Variants in ANO10 observed in about 807,000 individuals in gnomAD.
ANO10 encodes the protein anoctamin-10.
A neutral mutation model predicts 74.7 loss-of-function variants in ANO10; 77 were observed. The observed-to-expected ratio is 1.03, with a 90% CI of 0.86 to 1.25. The LOEUF (loss-of-function observed/expected upper bound fraction) is 1.25. Among genes scored for constraint, ANO10 ranks in the 50% most tolerant of loss-of-function variants. The probability of loss-of-function intolerance (pLI) is 0.00; values close to 1 mark genes in which losing one functional copy is unlikely to be tolerated. For missense variants in ANO10, 721 were observed against 778.1 expected, an observed-to-expected ratio of 0.93 and a Z score of 0.87; for synonymous variants, 279 against 284.9, an observed-to-expected ratio of 0.98 and a Z score of 0.21.
intron 1 of ANO10, chr3:43,690,969 C>A (rs189850893): frequency 6.4e-6 from 10 of 1,567,498 alleles, no homozygotes; most frequent in Middle Eastern, 1.7e-4. Flanking sequence ...CGAGATAAGT[C>A]CCGGCGCTTG....
chr3:43,590,882 C>A (rs1459836298), intron 4 of ANO10, among the ~76,000 whole-genome samples: 4 of 152,198 alleles, frequency 2.6e-5, no homozygotes, highest in African/African-American at 9.7e-5. Flanking sequence ...GGTGACCACA[C>A]CCACCTTTAA....
In ANO10 at chr3:43,574,857, G is replaced by C. The variant is rs1343601094; in HGVS notation, c.1170C>G (p.His390Gln). ...AAEFLTSWEN[H>Q]RLESAYQNHL... ...GGTTCTGATAGGCAGATTCCAATCT[G>C]TGATTCTCTAAAACATTAAAACACA... Residue 390 changes from histidine to glutamine, a missense_variant, in exon 7 of 13, where the codon CAC (histidine) becomes CAG (glutamine). Physicochemically the swap from His to Gln is conservative, Grantham distance 24 (BLOSUM62 0). Transcript: ENST00000292246. 6 of 1,613,638 alleles carry C rather than the reference G, an allele frequency of 3.7e-6. No individual in the cohort carries two copies. Among genetic ancestry groups the C allele is most frequent in the Non-Finnish European group, 5.1e-6 (6 of 1,179,712 alleles).
At chr3:43,393,464 A>G (rs977001073) in intron 12 of ANO10, among the ~76,000 whole-genome samples, 4 of 152,064 alleles carry the variant, frequency 2.6e-5, no homozygotes, top group African/African-American at 9.7e-5. Context: ...CACATCCCCA[A>G]TCTGTCTTTT....
chr3:43,485,059 G>A, intron 11 of ANO10: 1 of 1,327,682 alleles, frequency 7.5e-7, no homozygotes. Context: ...ACTTGATCTT[G>A]GAGTCGTGGA....
intron 12 of ANO10, among the ~76,000 whole-genome samples, chr3:43,402,632 T>A (rs779310849): frequency 6.6e-6 from 1 of 152,102 alleles, no homozygotes; most frequent in Non-Finnish European, 1.5e-5. Context: ...TCCCAGGTCA[T>A]CCCTTCTTCT....
At chr3:43,630,092 G>A (rs2083531153) in intron 1 of ANO10, among the ~76,000 whole-genome samples, 1 of 152,150 alleles carries the variant, frequency 6.6e-6, no homozygotes, top group Admixed American at 6.5e-5. Context: ...GAATGGGGAA[G>A]GGCAGTGTCT....
chr3:43,604,414 G>C (rs1004416047), intron 2 of ANO10, among the ~76,000 whole-genome samples: 2 of 151,734 alleles, frequency 1.3e-5, no homozygotes, highest in African/African-American at 4.8e-5. Context: ...TTCCCTGTCA[G>C]CTTAACTTTT....
At chr3:43,440,345 G>C (rs2093140760) in intron 11 of ANO10, among the ~76,000 whole-genome samples, 1 of 151,586 alleles carries the variant, frequency 6.6e-6, no homozygotes, top group Admixed American at 6.6e-5. Context: ...AAAGAATGAG[G>C]AAAAATGCTC....
At chr3:43,574,174 C>CA (rs1344759446) in intron 7 of ANO10, among the ~76,000 whole-genome samples, 1 of 151,990 alleles carries the variant, frequency 6.6e-6, no homozygotes, top group Admixed American at 6.6e-5. Flanking sequence ...AGGCTGGTCT[C>CA]AAACTCCCGG....
At chr3:43,661,164 G>T (rs1420225122) in intron 1 of ANO10, among the ~76,000 whole-genome samples, 1 of 152,110 alleles carries the variant, frequency 6.6e-6, no homozygotes, top group Non-Finnish European at 1.5e-5. Context: ...AGAAAGATTG[G>T]GTTACCCACA....
intron 11 of ANO10, chr3:43,484,822 T>G: frequency 1.6e-5 from 8 of 500,860 alleles, no homozygotes; most frequent in Non-Finnish European, 1.8e-5. Context: ...GGACTTAGGA[T>G]TTTATTTTTG....
intron 12 of ANO10, among the ~76,000 whole-genome samples, chr3:43,369,567 A>G (rs955000329): frequency 6.6e-6 from 1 of 152,220 alleles, no homozygotes; most frequent in Non-Finnish European, 1.5e-5. Flanking sequence ...TCTCAAGGCC[A>G]GCTTGGCAGC....
chr3:43,681,013 G>A (rs557109000), intron 1 of ANO10, among the ~76,000 whole-genome samples: 90 of 152,292 alleles, frequency 5.9e-4, no homozygotes, highest in African/African-American at 2.1e-3. Context: ...GGAGGAAACT[G>A]CATCAACTAA....
chr3:43,551,161 T>G (rs2079438702), intron 10 of ANO10, among the ~76,000 whole-genome samples: 1 of 152,210 alleles, frequency 6.6e-6, no homozygotes. Flanking sequence ...GTGCTACAAT[T>G]GGTGATCTTA....
intron 1 of ANO10, among the ~76,000 whole-genome samples, chr3:43,647,153 A>ATGTATGTGTG (rs2083734593): frequency 1.4e-5 from 2 of 141,790 alleles, no homozygotes; most frequent in Non-Finnish European, 3.0e-5. Context: ...ATGTGTATAT[A>ATGTATGTGTG]TGTGTGTGTG....
chr3:43,450,760 T>C (rs140144574), intron 11 of ANO10, among the ~76,000 whole-genome samples: 9 of 152,288 alleles, frequency 5.9e-5, no homozygotes, highest in South Asian at 2.1e-4. Flanking sequence ...CTGGAAAATA[T>C]TGATGAGAAC....
At chr3:43,688,388 T>C (rs1234355310) in intron 1 of ANO10, among the ~76,000 whole-genome samples, 1 of 152,184 alleles carries the variant, frequency 6.6e-6, no homozygotes, top group Non-Finnish European at 1.5e-5. Flanking sequence ...ACACTACAAG[T>C]GTCTGGCAAC....
At chr3:43,420,794 A>G (rs2092808610) in intron 12 of ANO10, among the ~76,000 whole-genome samples, 2 of 152,260 alleles carry the variant, frequency 1.3e-5, no homozygotes, top group Admixed American at 6.5e-5. Flanking sequence ...ATGTTCACTT[A>G]ATTAATGACT....
At chr3:43,648,526 C>T (rs2083750352) in intron 1 of ANO10, among the ~76,000 whole-genome samples, 1 of 152,092 alleles carries the variant, frequency 6.6e-6, no homozygotes. Context: ...ATTATTCATG[C>T]CTCCCCTTTT....
Sources: gnomAD v4.1 joint callset for allele counts (sites outside exome capture counted in the v4.1 genomes callset) on GRCh38, gnomAD v4.1.1 for gene constraint, MANE v1.5 for transcripts, NCBI Gene and HGNC (gene_info 2026-07-23, HGNC 2026-07-21) for gene names.